Variants in MDGA2 observed in about 807,000 individuals in gnomAD.
MDGA2 encodes MAM domain-containing glycosylphosphatidylinositol anchor protein 2.
MDGA2 carries 40 observed loss-of-function variants against 117.8 expected under a neutral mutation model. The observed-to-expected ratio is 0.34, with a 90% CI of 0.26 to 0.44. The LOEUF is 0.44. Among genes scored for constraint, MDGA2 ranks in the 20% least tolerant of loss-of-function variants. The pLI is 1.00. For synonymous variants in MDGA2, 452 were observed against 439.0 expected, an observed-to-expected ratio of 1.03 and a Z score of -0.37; for missense variants, 1,123 against 1,250.6, an observed-to-expected ratio of 0.90 and a Z score of 1.54.
At chr14:47,188,772 G>A (rs1237529920) in intron 3 of MDGA2, among the ~76,000 whole-genome samples, 1 of 152,068 alleles carries the variant, frequency 6.6e-6, no homozygotes, top group Non-Finnish European at 1.5e-5. Context: ...AAAGATGATT[G>A]GAGGAGATTC....
At chr14:47,595,643 T>C (rs1387301964) in intron 1 of MDGA2, among the ~76,000 whole-genome samples, 1 of 151,174 alleles carries the variant, frequency 6.6e-6, no homozygotes, top group Non-Finnish European at 1.5e-5. Flanking sequence ...CTGAAGGACA[T>C]GACAGCATAA....
intron 3 of MDGA2, among the ~76,000 whole-genome samples, chr14:47,217,653 A>C (rs1886143666): frequency 6.6e-6 from 1 of 152,052 alleles, no homozygotes; most frequent in African/African-American, 2.4e-5. Flanking sequence ...AATAAACATA[A>C]GTTAAAGAAT....
intron 8 of MDGA2, among the ~76,000 whole-genome samples, chr14:47,012,177 T>C (rs1261228170): frequency 6.6e-6 from 1 of 152,096 alleles, no homozygotes; most frequent in African/African-American, 2.4e-5. Context: ...GGATAGAGAT[T>C]CACTCATATG....
At position 47,516,688 on chromosome 14, in the gene MDGA2, T is replaced by C. The variant is rs188516857; in HGVS notation, c.280+157829A>G. On this transcript the variant is annotated intron_variant, in intron 1 of 16. Coordinates refer to ENST00000399232, the MANE Select transcript of MDGA2 (RefSeq NM_001113498.3). Reference sequence around the variant, plus strand: ...CTGACCTGGACATTGTCCCTGTTCATAGGGTCGGGCATAGCTGAAGCACTG... The same window carrying C: ...CTGACCTGGACATTGTCCCTGTTCACAGGGTCGGGCATAGCTGAAGCACTG... Among the ~76,000 whole-genome samples, 6 of 152,270 alleles carry C rather than the reference T, an allele frequency of 3.9e-5. 1 individual carries two copies. In the East Asian group the frequency reaches 1.2e-3, roughly 29 times the overall value.
intron 1 of MDGA2, among the ~76,000 whole-genome samples, chr14:47,476,039 T>C (rs1467281036): frequency 6.6e-6 from 1 of 152,110 alleles, no homozygotes; most frequent in Non-Finnish European, 1.5e-5. Flanking sequence ...AAGAATAAAC[T>C]TAAAGTAAAA....
intron 1 of MDGA2, among the ~76,000 whole-genome samples, chr14:47,649,312 A>G (rs976973447): frequency 6.6e-6 from 1 of 152,214 alleles, no homozygotes; most frequent in African/African-American, 2.4e-5. Context: ...GCGTTTGTTC[A>G]TGGATCTACC....
At chr14:46,877,653 A>C in intron 11 of MDGA2, 144 bp from the exon 12 acceptor site, 1 of 518,434 alleles carries the variant, frequency 1.9e-6, no homozygotes, top group Non-Finnish European at 3.4e-6. Context: ...ATTGAGATTT[A>C]TATCTGCAAT....
chr14:47,563,085 T>C (rs758356393), intron 1 of MDGA2, among the ~76,000 whole-genome samples: 3 of 152,140 alleles, frequency 2.0e-5, no homozygotes, highest in Non-Finnish European at 2.9e-5. Context: ...CATTGCATTG[T>C]GGTCTGAAAG....
intron 2 of MDGA2, among the ~76,000 whole-genome samples, chr14:47,227,105 A>G (rs1348641959): frequency 1.3e-5 from 2 of 152,046 alleles, no homozygotes; most frequent in Admixed American, 1.3e-4. Flanking sequence ...AGCTGTGTAT[A>G]TGTTGTAGGA....
intron 10 of MDGA2, among the ~76,000 whole-genome samples, chr14:46,893,427 T>C (rs1882956919): frequency 6.6e-6 from 1 of 151,734 alleles, no homozygotes; most frequent in Admixed American, 6.6e-5. Flanking sequence ...AGGATAGAGA[T>C]TAATCACAGA....
At chr14:47,002,363 G>C (rs1313235585) in intron 8 of MDGA2, among the ~76,000 whole-genome samples, 1 of 151,916 alleles carries the variant, frequency 6.6e-6, no homozygotes, top group African/African-American at 2.4e-5. Context: ...AAATGGTTTA[G>C]GACAAAATAT....
intron 14 of MDGA2, chr14:46,873,215 G>A (rs1882086110): frequency 2.3e-6 from 1 of 434,884 alleles, no homozygotes. Context: ...GGATTCCAAA[G>A]GGAGGTAGGT....
At chr14:46,978,868 C>A (rs1886565387) in intron 8 of MDGA2, among the ~76,000 whole-genome samples, 1 of 152,124 alleles carries the variant, frequency 6.6e-6, no homozygotes, top group African/African-American at 2.4e-5. Context: ...AAGGTCATTT[C>A]ATAGACTTTC....
intron 1 of MDGA2, among the ~76,000 whole-genome samples, chr14:47,644,526 G>A (rs940581737): frequency 6.6e-6 from 1 of 152,126 alleles, no homozygotes; most frequent in African/African-American, 2.4e-5. Context: ...GTACACAGCA[G>A]AAGAGAAGTT....
At position 47,301,514 on chromosome 14, in the gene MDGA2, G is replaced by T. The variant is rs1300322543; in HGVS notation, c.317C>A (p.Ala106Asp). ...GTAGCGCTCCTCTTCAATGTTACAG[G>T]CCAAGCCTGAGTGCACAATACGAAC... ...PTVRIVHSGL[A>D]CNIEEERYSE... The change falls in exon 2 of 17, where the codon GCC (alanine) becomes GAC (aspartate). Residue 106 changes from alanine (A) to aspartate (D), a missense_variant. Ala to Asp is a moderately radical substitution (Grantham distance 126). Coordinates refer to ENST00000399232, the MANE Select transcript of MDGA2 (RefSeq NM_001113498.3). 1.3e-6 allele frequency: 2 copies of T among 1,551,544 alleles called. No individual in the cohort carries two copies. Among genetic ancestry groups the T allele is most frequent in the South Asian group, 2.4e-5 (2 of 84,054 alleles).
chr14:47,327,313 T>C (rs1890172294), intron 1 of MDGA2, among the ~76,000 whole-genome samples: 1 of 151,986 alleles, frequency 6.6e-6, no homozygotes, highest in South Asian at 2.1e-4. Context: ...GGTTAGAGAG[T>C]GAGTATGGAA....
chr14:46,993,257 A>T (rs972659789), intron 8 of MDGA2, among the ~76,000 whole-genome samples: 1 of 152,118 alleles, frequency 6.6e-6, no homozygotes, highest in Admixed American at 6.6e-5. Flanking sequence ...ATTGCTTGAA[A>T]ACACCTGGAA....
At chr14:47,438,391 G>T (rs1010220274) in intron 1 of MDGA2, among the ~76,000 whole-genome samples, 1 of 152,122 alleles carries the variant, frequency 6.6e-6, no homozygotes, top group African/African-American at 2.4e-5. Context: ...AAGAAATATG[G>T]ATATAACTTG....
rs1264480884 is a variant in MDGA2, at chr14:47,217,983, A to G, written c.595+38T>C. On this transcript the variant is annotated intron_variant, in intron 3 of 16. Transcript: ENST00000399232. ...GACTTGTAAGACAAAAGAAATCCAT[A>G]ATAGGCTTAATTATAGTTTTCTGGA... 2.1e-6 allele frequency: 3 copies of G among 1,449,310 alleles called. No individual in the cohort carries two copies. The East Asian group carries it at 7.8e-5, about 38-fold the overall frequency. 89.8% of individuals were successfully genotyped at this position (1,449,310 alleles called of 1,614,324 possible).
Sources: allele counts gnomAD v4.1 joint callset (sites outside exome capture counted in the v4.1 genomes callset), GRCh38; gene constraint gnomAD v4.1.1; transcripts MANE v1.5; gene names NCBI Gene and HGNC (gene_info 2026-07-23, HGNC 2026-07-21).